Variants in TTLL4 observed in about 807,000 individuals in gnomAD.
TTLL4 encodes the protein tubulin tyrosine ligase like 4.
Under a neutral mutation model 122.7 loss-of-function variants are expected in TTLL4, and 85 were observed. That is an observed-to-expected ratio of 0.69 (90% CI 0.58 to 0.83). The LOEUF (loss-of-function observed/expected upper bound fraction) is 0.83. Ranked by LOEUF, TTLL4 falls within the 40% of genes least tolerant of loss-of-function variation. TTLL4 has a pLI of 0.00. For missense variants in TTLL4, 1,363 were observed against 1,488.6 expected (o/e 0.92, Z 1.39); for synonymous variants, 553 against 563.0 (o/e 0.98, Z 0.25).
rs576667814 is a variant in TTLL4, at chr2:218,736,893, A to G, written c.-98-686A>G. Among the ~76,000 whole-genome samples the G allele has an allele frequency of 7.1e-4, 102 of 143,120 alleles. 1 individual carries two copies. The highest frequency in any genetic ancestry group is 2.6e-3 in the African/African-American group (98 of 37,758). 93.9% of individuals were successfully genotyped at this position (143,120 alleles called of 152,430 possible). ...GAGATGGGGTCTCACTCTGTTGCCCATGCTGGAGTACAGTGACACCAGCTC... is the reference window on the plus strand; with the variant it reads ...GAGATGGGGTCTCACTCTGTTGCCCGTGCTGGAGTACAGTGACACCAGCTC... On this transcript the variant is annotated intron_variant, in intron 2 of 19. Transcript: ENST00000392102.
At chr2:218,745,481 C>T (rs1319765866) in intron 6 of TTLL4, 23 of 637,162 alleles carry the variant, frequency 3.6e-5, no homozygotes, top group African/African-American at 5.5e-5. Context: ...GTTGCTTTTC[C>T]CTTTCAGTCT....
At chr2:218,746,884 A>ATTAC in intron 8 of TTLL4, 119 bp from the exon 9 acceptor site, 1 of 1,117,146 alleles carries the variant, frequency 9.0e-7, no homozygotes, top group Non-Finnish European at 1.3e-6. Context: ...GGTGATAGTA[A>ATTAC]GATGGAACAA....
Position 218,737,598 on chromosome 2 carries a change from G to A in TTLL4, c.-79G>A. 6.8e-7 allele frequency: 1 copy of A among 1,462,928 alleles called. No individual in the cohort carries two copies. Among genetic ancestry groups the A allele is most frequent in the Non-Finnish European group, 9.2e-7 (1 of 1,086,292 alleles). 90.6% of individuals were successfully genotyped at this position (1,462,928 alleles called of 1,614,324 possible). A position where few individuals can be genotyped will look rare whatever the true frequency, so the allele number is the denominator to read the frequency against. On this transcript the variant is annotated 5_prime_UTR_variant, in exon 3 of 20. It removes an upstream start codon present in the reference 5' UTR. Coordinates refer to ENST00000392102, the MANE Select transcript of TTLL4 (RefSeq NM_014640.5). ...CTTCAGACTGACAGACTTCAAGGAT[G>A]CAGCTGCTACTACCGGAGGTGTGTG...
Position 218,737,948 on chromosome 2 carries a change from G to A in TTLL4, c.272G>A (p.Gly91Glu), listed in dbSNP as rs754005610. ...TGCCCCAGCACTTTATGTAGCTCTG[G>A]GACCACGGCTGTCATTGCAGGCCAC... The part of the protein sequence containing the change: ...FFCPSTLCSS[G>E]TTAVIAGHSS... The change falls in exon 3 of 20, where the codon GGG (glycine) becomes GAG (glutamate). Residue 91 changes from glycine to glutamate, a missense_variant. Coordinates refer to ENST00000392102, the MANE Select transcript of TTLL4 (RefSeq NM_014640.5). The A allele has an allele frequency of 1.2e-6, 2 of 1,614,034 alleles. No individual in the cohort carries two copies. The highest frequency in any genetic ancestry group is 2.7e-5 in the African/African-American group (2 of 74,914).
At chr2:218,748,815 C>T in intron 12 of TTLL4, 21 bp from the exon 13 acceptor site, 1 of 1,608,128 alleles carries the variant, frequency 6.2e-7, no homozygotes, top group Non-Finnish European at 8.5e-7. Context: ...ATTCCTAATA[C>T]TTCCTCTTCC....
chr2:218,735,862 C>A (rs1002882921), intron 2 of TTLL4, among the ~76,000 whole-genome samples: 5 of 151,404 alleles, frequency 3.3e-5, no homozygotes, highest in Admixed American at 2.0e-4. Flanking sequence ...TAGTAGAGAG[C>A]GTTTCACCAT....
At chr2:218,735,689 T>C (rs112540172) in intron 2 of TTLL4, among the ~76,000 whole-genome samples, 3 of 152,240 alleles carry the variant, frequency 2.0e-5, no homozygotes, top group African/African-American at 7.2e-5. Flanking sequence ...TTTTTTTTTT[T>C]TGAGACAGAG....
At chr2:218,751,893 TTTTTTCTTTTC>T (rs1943026622) in intron 16 of TTLL4, 87 bp downstream of exon 16, 8 of 867,232 alleles carry the variant, frequency 9.2e-6, no homozygotes, top group South Asian at 2.0e-5. Flanking sequence ...TTTTCTTTTT[TTTTTTCTTTTC>T]TTTTTCTTTT....
At chr2:218,726,027 T>C (rs1942181995) in intron 1 of TTLL4, among the ~76,000 whole-genome samples, 1 of 152,206 alleles carries the variant, frequency 6.6e-6, no homozygotes, top group African/African-American at 2.4e-5. Context: ...CCTTCAAATG[T>C]TTTCTTTTTG....
chr2:218,721,724 A>G (rs1942046180), intron 1 of TTLL4, among the ~76,000 whole-genome samples: 1 of 152,192 alleles, frequency 6.6e-6, no homozygotes, highest in African/African-American at 2.4e-5. Flanking sequence ...CCTGATTACC[A>G]TTCTAGGGCT....
intron 2 of TTLL4, among the ~76,000 whole-genome samples, chr2:218,736,764 T>A (rs1017310656): frequency 3.9e-5 from 6 of 152,140 alleles, no homozygotes; most frequent in South Asian, 2.1e-4. Flanking sequence ...GAACTTGTCC[T>A]ATTTAACCAT....
chr2:218,746,824 T>C lies in TTLL4; in HGVS notation c.1975-179T>C. 3.2e-6 allele frequency: 2 copies of C among 633,312 alleles called. 1 individual carries two copies. Among genetic ancestry groups the C allele is most frequent in the South Asian group, 4.1e-5 (2 of 48,760 alleles). The allele number at this position is 633,312 out of a possible 1,614,324, so 39.2% of individuals were successfully genotyped here. A position where few individuals can be genotyped will look rare whatever the true frequency, so the allele number is the denominator to read the frequency against. On this transcript the variant is annotated intron_variant, in intron 8 of 19. Transcript: ENST00000392102. ...TTACTCTGTTTTGTCTGTGTTTTAA[T>C]CATCTTTTGGTGAGTGCTCTGCAGT...
chr2:218,737,519 G>GT, intron 2 of TTLL4, 60 bp from the exon 3 acceptor site: 1 of 885,386 alleles, frequency 1.1e-6, no homozygotes, highest in Non-Finnish European at 1.7e-6. Context: ...GAGGACCACT[G>GT]TAGCATGGTG....
chr2:218,751,910 CTTTTTTTT>C, intron 16 of TTLL4, 104 bp downstream of exon 16: 2 of 431,494 alleles, frequency 4.6e-6, no homozygotes, highest in South Asian at 6.7e-5. Context: ...TTTTCTTTTT[CTTTTTTTT>C]TTTTTTGAGA....
chr2:218,718,301 G>A (rs534046768), intron 1 of TTLL4, among the ~76,000 whole-genome samples: 51 of 152,302 alleles, frequency 3.3e-4, no homozygotes, highest in African/African-American at 1.2e-3. Flanking sequence ...TCTAGAAATA[G>A]ATACCTTGTC....
chr2:218,717,982 G>C (rs1941915610), intron 1 of TTLL4, among the ~76,000 whole-genome samples: 1 of 152,090 alleles, frequency 6.6e-6, no homozygotes, highest in Non-Finnish European at 1.5e-5. Flanking sequence ...GTAGAGATGG[G>C]GTTTCACCGT....
chr2:218,723,901 C>T (rs1455984364), intron 1 of TTLL4, among the ~76,000 whole-genome samples: 1 of 151,974 alleles, frequency 6.6e-6, no homozygotes, highest in Non-Finnish European at 1.5e-5. Context: ...GGACAGTTGG[C>T]AATATTTGGA....
At chr2:218,749,207 C>T in intron 13 of TTLL4, 46 bp from the exon 14 acceptor site, 1 of 1,609,492 alleles carries the variant, frequency 6.2e-7, no homozygotes, top group South Asian at 1.1e-5. Flanking sequence ...TGAGTAGAGC[C>T]CTCTGGGAGG....
chr2:218,747,439 C>G lies in TTLL4; in HGVS notation c.2249+67C>G. 6.3e-7 allele frequency: 1 copy of G among 1,588,700 alleles called. No individual in the cohort carries two copies. The highest frequency in any genetic ancestry group is 8.6e-7 in the Non-Finnish European group (1 of 1,163,918). On this transcript the variant is annotated intron_variant, in intron 10 of 19. Transcript: ENST00000392102. This position sits in a 1 kb window ranked among gnomAD's most constrained non-coding sequence, Gnocchi z 4.7. ...CCTTGGCCTCGAGGTTCCCTTCTTACAATGTTCTGCCCTTTGTTCTCCCAG... is the reference window on the plus strand; with the variant it reads ...CCTTGGCCTCGAGGTTCCCTTCTTAGAATGTTCTGCCCTTTGTTCTCCCAG...
Sources: allele counts gnomAD v4.1 joint callset (sites outside exome capture counted in the v4.1 genomes callset), GRCh38; gene constraint gnomAD v4.1.1; non-coding constraint Gnocchi (gnomAD v3.1); transcripts MANE v1.5; gene names NCBI Gene and HGNC (gene_info 2026-07-23, HGNC 2026-07-21).